The following DTNA variants were observed in gnomAD, a reference collection of about 807,000 sequenced individuals.
DTNA encodes the protein dystrobrevin alpha.
Under a neutral mutation model 100.7 loss-of-function variants are expected in DTNA, and 43 were observed. The observed-to-expected ratio is 0.43, with a 90% CI of 0.33 to 0.55. The LOEUF is 0.55. DTNA is among the 20% of genes least tolerant of loss of function. DTNA has a pLI of 0.04. For missense variants in DTNA, 798 were observed against 953.9 expected, an observed-to-expected ratio of 0.84 and a Z score of 2.15; for synonymous variants, 349 against 347.9, an observed-to-expected ratio of 1.00 and a Z score of -0.04.
intron 8 of DTNA, among the ~76,000 whole-genome samples, chr18:34,818,828 G>A (rs1282351006): frequency 2.0e-5 from 3 of 152,134 alleles, no homozygotes. Context: ...GCAGAGGGTG[G>A]GGAGGGGAGA....
chr18:34,687,508 G>A (rs575183602), intron 1 of DTNA, among the ~76,000 whole-genome samples: 18 of 152,306 alleles, frequency 1.2e-4, no homozygotes, highest in Middle Eastern at 3.4e-3. Context: ...CTGAGAGACT[G>A]TTTGTTATGA....
intron 5 of DTNA, among the ~76,000 whole-genome samples, chr18:34,808,546 G>A (rs1208084457): frequency 1.3e-5 from 2 of 152,184 alleles, no homozygotes; most frequent in East Asian, 3.9e-4. Flanking sequence ...GAACAAATGT[G>A]GGTCAAATAA....
At chr18:34,861,485 C>CAAA (rs11329850) in intron 16 of DTNA, among the ~76,000 whole-genome samples, 159 of 77,968 alleles carry the variant, frequency 2.0e-3, no homozygotes, top group East Asian at 4.6e-3. Context: ...GACTCCGTCT[C>CAAA]AAAAAAAAAA....
In DTNA at chr18:34,714,782, C is replaced by G. The variant is rs190305409; in HGVS notation, c.-2+4337C>G. On this transcript the variant is annotated intron_variant, in intron 1 of 22. Transcript: ENST00000444659. Reference sequence around the variant, plus strand: ...CGTATGTTTATTGTGGCATTATTCACGATAGCAAAGACTTGGAACCAAGCC... The same window carrying G: ...CGTATGTTTATTGTGGCATTATTCAGGATAGCAAAGACTTGGAACCAAGCC... Among the ~76,000 whole-genome samples, 300 of 152,140 alleles carry G rather than the reference C, an allele frequency of 2.0e-3. 6 individuals are homozygous for G. The South Asian group carries it at 0.037, about 19-fold the overall frequency.
chr18:34,522,462 CA>C (rs2042233866), intron 1 of DTNA, among the ~76,000 whole-genome samples: 1 of 152,146 alleles, frequency 6.6e-6, no homozygotes, highest in African/African-American at 2.4e-5. Context: ...CTGGGACTTT[CA>C]AGCTAACATT....
Position 34,815,889 on chromosome 18 carries a change from TG to T in DTNA, c.604-14del, listed in dbSNP as rs753722534. 7.7e-5 allele frequency: 123 copies of T among 1,601,956 alleles called. 1 individual carries two copies. The South Asian group carries it at 1.3e-3, about 17-fold the overall frequency. ...GAGATGATTCTCTGTCCTAAATTTA[TG>T]GGGGGTTTTTTTATGCAGAAAAAAG... On this transcript the variant is annotated intron_variant, in intron 6 of 22. Coordinates refer to ENST00000444659, the MANE Select transcript of DTNA (RefSeq NM_001386795.1).
intron 2 of DTNA, among the ~76,000 whole-genome samples, chr18:34,763,975 G>A (rs768351319): frequency 6.6e-6 from 1 of 152,120 alleles, no homozygotes; most frequent in Non-Finnish European, 1.5e-5. Flanking sequence ...TGGTAATGAG[G>A]ATGCTAATAA....
At chr18:34,551,892 C>G (rs1354450595) in intron 1 of DTNA, among the ~76,000 whole-genome samples, 1 of 152,146 alleles carries the variant, frequency 6.6e-6, no homozygotes, top group African/African-American at 2.4e-5. Context: ...CCTGTCTCTG[C>G]AATATTTATG....
intron 1 of DTNA, among the ~76,000 whole-genome samples, chr18:34,536,080 T>C (rs1443687677): frequency 6.6e-6 from 1 of 152,088 alleles, no homozygotes; most frequent in Non-Finnish European, 1.5e-5. Flanking sequence ...AATACATTTT[T>C]CCATTTCTTT....
chr18:34,756,054 A>T lies in DTNA; in HGVS notation c.67+11A>T. Reference sequence around the variant, plus strand: ...TGTTTGCAGAGATGAGTAAGTATGGATCTTTTAAGGAACACCCTATAGTTT... The same window carrying T: ...TGTTTGCAGAGATGAGTAAGTATGGTTCTTTTAAGGAACACCCTATAGTTT... On this transcript the variant is annotated intron_variant, in intron 2 of 22. Transcript: ENST00000444659. The T allele has an allele frequency of 6.2e-7, 1 of 1,612,136 alleles. No individual in the cohort carries two copies. The highest frequency in any genetic ancestry group is 8.5e-7 in the Non-Finnish European group (1 of 1,178,922).
intron 4 of DTNA, among the ~76,000 whole-genome samples, chr18:34,804,980 A>C (rs1282312395): frequency 1.3e-5 from 2 of 152,216 alleles, no homozygotes; most frequent in East Asian, 3.9e-4. Context: ...TATATAAGGC[A>C]TATGAATCTT....
chr18:34,611,440 A>G lies in DTNA; in HGVS notation c.-2+117926A>G, dbSNP rs62097189. 3.2e-3 allele frequency among the ~76,000 whole-genome samples: 486 copies of G among 152,322 alleles called. 1 individual carries two copies. The highest frequency in any genetic ancestry group is 3.8e-3 in the Non-Finnish European group (260 of 68,034). On this transcript the variant is annotated intron_variant, in intron 1 of 19. Coordinates refer to the DTNA transcript ENST00000283365. ...CTGAGCCCTATAAATCTTTATTCATATGAACTCATTTCTTTCTTTAGAACT... is the reference window on the plus strand; with the variant it reads ...CTGAGCCCTATAAATCTTTATTCATGTGAACTCATTTCTTTCTTTAGAACT...
intron 1 of DTNA, among the ~76,000 whole-genome samples, chr18:34,596,194 G>A (rs2050568842): frequency 6.6e-6 from 1 of 152,070 alleles, no homozygotes; most frequent in Non-Finnish European, 1.5e-5. Flanking sequence ...GCTCTTTGCT[G>A]TTTTTTGTTT....
intron 1 of DTNA, among the ~76,000 whole-genome samples, chr18:34,605,159 A>C (rs561955759): frequency 6.6e-6 from 1 of 152,066 alleles, no homozygotes; most frequent in South Asian, 2.1e-4. Flanking sequence ...TATAGGGCAT[A>C]CAATTTTTTC....
At chr18:34,544,419 T>G (rs1406458702) in intron 1 of DTNA, among the ~76,000 whole-genome samples, 8 of 151,988 alleles carry the variant, frequency 5.3e-5, no homozygotes, top group African/African-American at 1.9e-4. Context: ...AAAAAGAAAA[T>G]AATGCAATGC....
intron 3 of DTNA, among the ~76,000 whole-genome samples, chr18:34,772,648 C>T (rs1276426015): frequency 1.3e-5 from 2 of 152,202 alleles, no homozygotes; most frequent in Admixed American, 1.3e-4. Flanking sequence ...TCAGTATTTT[C>T]CTCTTCCCTG....
chr18:34,689,805 T>C (rs1291800815), intron 1 of DTNA, among the ~76,000 whole-genome samples: 4 of 152,208 alleles, frequency 2.6e-5, no homozygotes, highest in Non-Finnish European at 5.9e-5. Flanking sequence ...TATAAGCCCC[T>C]GGCTGGGGCT....
intron 1 of DTNA, among the ~76,000 whole-genome samples, chr18:34,554,752 T>G (rs1303124499): frequency 1.2e-3 from 171 of 139,582 alleles, no homozygotes; most frequent in Admixed American, 2.1e-3. Flanking sequence ...ATAAGCTTTT[T>G]GATGTGCTGC....
At chr18:34,710,968 C>G (rs1045183917) in intron 1 of DTNA, among the ~76,000 whole-genome samples, 2 of 151,854 alleles carry the variant, frequency 1.3e-5, no homozygotes, top group Admixed American at 6.6e-5. Context: ...TTATTGCGAG[C>G]CTCATCTAAC....
Sources: allele counts gnomAD v4.1 joint callset (sites outside exome capture counted in the v4.1 genomes callset), GRCh38; gene constraint gnomAD v4.1.1; transcripts MANE v1.5; gene names NCBI Gene and HGNC (gene_info 2026-07-23, HGNC 2026-07-21).